The following CSMD2 variants were observed in gnomAD, a reference collection of about 807,000 sequenced individuals.
CSMD2 encodes CUB and Sushi multiple domains 2.
CSMD2 carries 130 observed loss-of-function variants against 398.5 expected under a neutral mutation model. The ratio of observed to expected loss-of-function variants is 0.33; its 90% CI spans 0.28 to 0.38. The LOEUF (loss-of-function observed/expected upper bound fraction) is 0.38, where lower values mean the gene tolerates loss of function less well. CSMD2 is among the 10% of genes least tolerant of loss of function. CSMD2 has a pLI of 1.00. For synonymous variants in CSMD2, 1,828 were observed against 1,908.5 expected (o/e 0.96, Z 1.10); for missense variants, 3,829 against 4,764.9 (o/e 0.80, Z 5.78).
At chr1:33,693,127 T>C in intron 24 of CSMD2, 71 bp from the exon 25 acceptor site, 1 of 1,494,374 alleles carries the variant, frequency 6.7e-7, no homozygotes, top group Non-Finnish European at 8.9e-7. Flanking sequence ...AGTGGCTCCT[T>C]TTGCCTGTTT....
rs747084619 is a variant in CSMD2 at position 33,646,740 on chromosome 1, G to T, written c.4682C>A (p.Pro1561Gln). Residue 1561 changes from proline (P) to glutamine (Q), a missense_variant, in exon 29 of 71, where the codon CCA becomes CAA. This residue lies in a region of CSMD2 where 2,001 missense variants were observed against 2,567.1 expected (regional missense o/e 0.78). Coordinates refer to ENST00000373381, the MANE Select transcript of CSMD2 (RefSeq NM_001281956.2). Reference sequence around the variant, plus strand: ...GTTGCTGCTGCTTTCAATGCGGCCTGGGAGCTGGGAGCCATAGAAGCTTCC... The same window carrying T: ...GTTGCTGCTGCTTTCAATGCGGCCTTGGAGCTGGGAGCCATAGAAGCTTCC... ...LIGSFYGSQL[P>Q]GRIESSSNSL... The T allele has an allele frequency of 2.0e-5, 33 of 1,614,062 alleles. 1 individual carries two copies. The South Asian group carries it at 3.3e-4, about 16-fold the overall frequency.
At chr1:34,022,841 T>G (rs1364246826) in intron 3 of CSMD2, among the ~76,000 whole-genome samples, 1 of 152,124 alleles carries the variant, frequency 6.6e-6, no homozygotes, top group Non-Finnish European at 1.5e-5. Context: ...TGGTTTGGTT[T>G]GTTTGTTTGA....
At chr1:33,652,709 A>C (rs1320994132) in intron 27 of CSMD2, among the ~76,000 whole-genome samples, 3 of 152,306 alleles carry the variant, frequency 2.0e-5, no homozygotes, top group Middle Eastern at 3.4e-3. Context: ...TTCATTGAAA[A>C]ACAGGTAATT....
chr1:33,772,900 A>G, intron 12 of CSMD2, 149 bp from the exon 13 acceptor site: 1 of 667,718 alleles, frequency 1.5e-6, no homozygotes, highest in Non-Finnish European at 2.5e-6. Flanking sequence ...CTTATAAGGA[A>G]TGAGGTTTGT....
intron 5 of CSMD2, among the ~76,000 whole-genome samples, chr1:33,891,755 T>C (rs1642031429): frequency 6.6e-6 from 1 of 151,684 alleles, no homozygotes; most frequent in Non-Finnish European, 1.5e-5. Flanking sequence ...TGTAGGGACA[T>C]GGATGAAATT....
At chr1:33,811,496 C>T (rs1056677049) in intron 9 of CSMD2, among the ~76,000 whole-genome samples, 1 of 152,190 alleles carries the variant, frequency 6.6e-6, no homozygotes, top group African/African-American at 2.4e-5. Context: ...AGGCCCCTGA[C>T]TCAGCTCAGT....
intron 3 of CSMD2, among the ~76,000 whole-genome samples, chr1:34,014,879 T>C (rs1647867578): frequency 6.6e-6 from 1 of 152,208 alleles, no homozygotes; most frequent in African/African-American, 2.4e-5. Flanking sequence ...ACAAAGATAC[T>C]CTCTGTACCA....
intron 48 of CSMD2, among the ~76,000 whole-genome samples, 176 bp downstream of exon 48, chr1:33,580,577 G>A (rs1013273030): frequency 1.3e-5 from 2 of 152,192 alleles, no homozygotes; most frequent in Admixed American, 6.5e-5. Context: ...TGAGAAAAGA[G>A]GGAAGAGGTT....
chr1:33,725,966 T>C (rs1235116184), intron 16 of CSMD2, among the ~76,000 whole-genome samples: 2 of 151,152 alleles, frequency 1.3e-5, no homozygotes, highest in South Asian at 2.1e-4. Flanking sequence ...ATCAGAGATA[T>C]GCAAGTAGGC....
At chr1:33,540,747 C>T in intron 59 of CSMD2, 49 bp from the exon 60 acceptor site, 2 of 1,599,252 alleles carry the variant, frequency 1.3e-6, no homozygotes, top group Non-Finnish European at 1.7e-6. Context: ...CCTGGGAAAC[C>T]AGCCCCCGTC....
chr1:33,970,898 C>A (rs1260756637), intron 3 of CSMD2, among the ~76,000 whole-genome samples: 1 of 152,232 alleles, frequency 6.6e-6, no homozygotes, highest in Non-Finnish European at 1.5e-5. Flanking sequence ...CCTCAACCAA[C>A]CATGTGCATT....
At chr1:33,568,189 C>CTTTTTTTTTTTTTTTTTTTTTT (rs370507143) in intron 52 of CSMD2, among the ~76,000 whole-genome samples, 1 of 141,336 alleles carries the variant, frequency 7.1e-6, no homozygotes. Context: ...TCAGGAGCAT[C>CTTTTTTTTTTTTTTTTTTTTTT]TTTTTTTTTT....
At chr1:33,766,893 C>T (rs2149316153) in intron 13 of CSMD2, among the ~76,000 whole-genome samples, 1 of 152,290 alleles carries the variant, frequency 6.6e-6, no homozygotes, top group Middle Eastern at 3.4e-3. Context: ...AATCTTACAG[C>T]TTTTGCTACT....
intron 2 of CSMD2, among the ~76,000 whole-genome samples, chr1:34,059,876 T>C (rs964777833): frequency 2.0e-5 from 3 of 152,166 alleles, no homozygotes; most frequent in Admixed American, 1.3e-4. Flanking sequence ...CACCACTCCC[T>C]TGGACTCTTG....
intron 9 of CSMD2, among the ~76,000 whole-genome samples, chr1:33,813,574 GC>G (rs1657100757): frequency 1.3e-5 from 2 of 152,030 alleles, no homozygotes; most frequent in Non-Finnish European, 2.9e-5. Flanking sequence ...GATCTTCCAT[GC>G]CTGAGCTCTG....
At chr1:33,983,064 T>C (rs181569603) in intron 3 of CSMD2, among the ~76,000 whole-genome samples, 31 of 152,216 alleles carry the variant, frequency 2.0e-4, no homozygotes, top group African/African-American at 7.0e-4. Context: ...GATGGGCTGT[T>C]ACAGGAAGAG....
intron 5 of CSMD2, chr1:33,882,327 T>G (rs1376553156): frequency 6.6e-6 from 1 of 152,204 alleles, no homozygotes; most frequent in Non-Finnish European, 1.5e-5. Context: ...GGACTGAAAG[T>G]GACTTAGGTG....
intron 55 of CSMD2, among the ~76,000 whole-genome samples, chr1:33,551,550 GGTTGGGCCAGT>G (rs1253503911): frequency 6.6e-6 from 1 of 152,194 alleles, no homozygotes; most frequent in Non-Finnish European, 1.5e-5. Flanking sequence ...GTAAAACCTG[GGTTGGGCCAGT>G]GCTGACCCTG....
intron 44 of CSMD2, among the ~76,000 whole-genome samples, chr1:33,595,834 A>G (rs72890837): frequency 0.012 from 1,873 of 152,326 alleles, 37 homozygotes; most frequent in African/African-American, 0.041. Flanking sequence ...AATGTTATTT[A>G]GGAACCAATA....
Sources: gnomAD v4.1 joint callset for allele counts (sites outside exome capture counted in the v4.1 genomes callset) on GRCh38, gnomAD v4.1.1 for gene constraint, gnomAD v4.1.1 regional missense constraint, MANE v1.5 for transcripts, NCBI Gene and HGNC (gene_info 2026-07-23, HGNC 2026-07-21) for gene names.